Variants in CLSTN2 observed in about 807,000 individuals in gnomAD.
CLSTN2 encodes calsyntenin-2.
CLSTN2 carries 48 observed loss-of-function variants against 101.2 expected under a neutral mutation model. The ratio of observed to expected loss-of-function variants is 0.47; its 90% CI spans 0.38 to 0.60. The LOEUF is 0.60. CLSTN2 is among the 20% of genes least tolerant of loss of function. CLSTN2 has a pLI of 0.00. For missense variants in CLSTN2, 1,160 were observed against 1,238.2 expected, an observed-to-expected ratio of 0.94 and a Z score of 0.95; for synonymous variants, 481 against 463.6, an observed-to-expected ratio of 1.04 and a Z score of -0.48.
chr3:140,175,139 A>G (rs1356236870), intron 1 of CLSTN2, among the ~76,000 whole-genome samples: 1 of 152,142 alleles, frequency 6.6e-6, no homozygotes, highest in Non-Finnish European at 1.5e-5. Context: ...AAACTTGATT[A>G]CCTCTGTAAA....
intron 1 of CLSTN2, among the ~76,000 whole-genome samples, chr3:139,985,082 C>A (rs1398877002): frequency 3.3e-5 from 5 of 152,210 alleles, no homozygotes; most frequent in African/African-American, 1.2e-4. Flanking sequence ...TGCTGCCTGT[C>A]AGGATCTCCT....
At chr3:139,996,515 T>C (rs1356592395) in intron 1 of CLSTN2, among the ~76,000 whole-genome samples, 1 of 152,186 alleles carries the variant, frequency 6.6e-6, no homozygotes, top group East Asian at 1.9e-4. Context: ...GCCTCCCAAG[T>C]AGCCGGGACT....
chr3:140,166,442 T>C (rs2010136157), intron 1 of CLSTN2, among the ~76,000 whole-genome samples: 1 of 152,196 alleles, frequency 6.6e-6, no homozygotes, highest in African/African-American at 2.4e-5. Flanking sequence ...TTTTTACTCA[T>C]AGTTTACTTT....
chr3:139,999,819 G>C (rs1008434521), intron 1 of CLSTN2, among the ~76,000 whole-genome samples: 4 of 152,088 alleles, frequency 2.6e-5, no homozygotes, highest in Admixed American at 6.5e-5. Context: ...TCTAGGCATG[G>C]TGGCATGTAC....
intron 1 of CLSTN2, among the ~76,000 whole-genome samples, chr3:140,077,302 C>T (rs1320224682): frequency 6.6e-6 from 1 of 152,150 alleles, no homozygotes; most frequent in African/African-American, 2.4e-5. Context: ...TTCCTTTGTT[C>T]TTTGCCAGGT....
rs185992274 is a variant in CLSTN2, at chr3:140,364,337, C to A, written c.233-39292C>A. 2.6e-3 allele frequency among the ~76,000 whole-genome samples: 399 copies of A among 152,234 alleles called. 2 individuals carry two copies. Among genetic ancestry groups the A allele is most frequent in the African/African-American group, 8.4e-3 (350 of 41,532 alleles). ...GGCCTGGGGCTTGATGGATTCTGTC[C>A]TAGGGTATCATTCCCTTCTAAGAAC... On this transcript the variant is annotated intron_variant, in intron 2 of 16. Coordinates refer to ENST00000458420, the MANE Select transcript of CLSTN2 (RefSeq NM_022131.3).
intron 2 of CLSTN2, among the ~76,000 whole-genome samples, chr3:140,269,669 C>T (rs574614933): frequency 1.3e-5 from 2 of 152,262 alleles, no homozygotes; most frequent in African/African-American, 2.4e-5. Flanking sequence ...CTTCTTGAAC[C>T]GATGGGGGAC....
intron 2 of CLSTN2, among the ~76,000 whole-genome samples, chr3:140,373,117 G>T (rs1044871862): frequency 6.6e-6 from 1 of 152,162 alleles, no homozygotes; most frequent in Non-Finnish European, 1.5e-5. Context: ...GCTCTGAAAA[G>T]TCTTGCAGTT....
At chr3:140,332,567 C>G (rs557239799) in intron 2 of CLSTN2, among the ~76,000 whole-genome samples, 1 of 151,928 alleles carries the variant, frequency 6.6e-6, no homozygotes, top group African/African-American at 2.4e-5. Flanking sequence ...AATGAGTGGA[C>G]GAGAAATGTT....
At chr3:140,265,391 C>T (rs2086686750) in intron 2 of CLSTN2, among the ~76,000 whole-genome samples, 1 of 152,128 alleles carries the variant, frequency 6.6e-6, no homozygotes, top group Non-Finnish European at 1.5e-5. Flanking sequence ...GAAGGCATGA[C>T]CTAACGACCT....
chr3:140,483,895 A>C (rs1934182691), intron 8 of CLSTN2, among the ~76,000 whole-genome samples: 1 of 152,236 alleles, frequency 6.6e-6, no homozygotes, highest in African/African-American at 2.4e-5. Context: ...CAGCACACTG[A>C]TGGGTCTTGA....
At chr3:140,404,340 G>T (rs542981081) in intron 3 of CLSTN2, among the ~76,000 whole-genome samples, 77 of 152,244 alleles carry the variant, frequency 5.1e-4, no homozygotes, top group African/African-American at 1.8e-3. Flanking sequence ...GGGCATAAAA[G>T]TCTCTCTGGG....
intron 8 of CLSTN2, among the ~76,000 whole-genome samples, chr3:140,493,144 T>C (rs1250944948): frequency 6.6e-6 from 1 of 152,232 alleles, no homozygotes; most frequent in Non-Finnish European, 1.5e-5. Flanking sequence ...TCACTCATGT[T>C]TTCCCATTGC....
chr3:140,423,450 G>A (rs534150168), intron 5 of CLSTN2, among the ~76,000 whole-genome samples: 52 of 152,166 alleles, frequency 3.4e-4, no homozygotes, highest in Non-Finnish European at 6.2e-4. Context: ...TTAAAAAAAT[G>A]TACCTTTCTG....
intron 5 of CLSTN2, among the ~76,000 whole-genome samples, chr3:140,429,186 C>T (rs1435471498): frequency 6.6e-6 from 1 of 152,042 alleles, no homozygotes; most frequent in Non-Finnish European, 1.5e-5. Context: ...TGCATATTAC[C>T]TGGTGGGAAA....
intron 2 of CLSTN2, among the ~76,000 whole-genome samples, chr3:140,370,960 C>T (rs1012202385): frequency 2.0e-5 from 3 of 152,138 alleles, no homozygotes; most frequent in African/African-American, 7.2e-5. Flanking sequence ...CATGGTGGCT[C>T]CAGACATCAA....
At chr3:140,383,961 G>T (rs1475849747) in intron 2 of CLSTN2, among the ~76,000 whole-genome samples, 1 of 152,168 alleles carries the variant, frequency 6.6e-6, no homozygotes, top group Non-Finnish European at 1.5e-5. Flanking sequence ...GTCAAAGCAG[G>T]GTTTGGCTCT....
intron 2 of CLSTN2, among the ~76,000 whole-genome samples, chr3:140,220,998 C>T (rs767575265): frequency 2.3e-4 from 35 of 152,234 alleles, no homozygotes; most frequent in Admixed American, 1.3e-4. Flanking sequence ...TCAGGCTCAG[C>T]CGACAGGCTG....
intron 5 of CLSTN2, among the ~76,000 whole-genome samples, chr3:140,438,142 C>T (rs566267994): frequency 3.7e-4 from 57 of 152,184 alleles, no homozygotes; most frequent in Non-Finnish European, 2.5e-4. Context: ...CTACCTTTCT[C>T]AGGAGTCTAT....
Sources: gnomAD v4.1 joint callset for allele counts (sites outside exome capture counted in the v4.1 genomes callset) on GRCh38, gnomAD v4.1.1 for gene constraint, MANE v1.5 for transcripts, NCBI Gene and HGNC (gene_info 2026-07-23, HGNC 2026-07-21) for gene names.